The following DNAJC11 variants were observed in gnomAD, a reference collection of about 807,000 sequenced individuals.
DNAJC11 encodes the protein dnaJ homolog subfamily C member 11.
DNAJC11 carries 15 observed loss-of-function variants against 78.6 expected under a neutral mutation model. That is an observed-to-expected ratio of 0.19 (90% CI 0.13 to 0.29). DNAJC11 has a LOEUF of 0.29. DNAJC11 is among the 10% of genes least tolerant of loss of function. The pLI, the probability that DNAJC11 is intolerant of heterozygous loss-of-function variation, is 1.00. For missense variants in DNAJC11, 547 were observed against 709.6 expected (o/e 0.77, Z 2.60); for synonymous variants, 292 against 272.1 (o/e 1.07, Z -0.72).
chr1:6,676,324 T>C (rs1267319907), intron 3 of DNAJC11, among the ~76,000 whole-genome samples: 3 of 152,156 alleles, frequency 2.0e-5, no homozygotes, highest in Non-Finnish European at 2.9e-5. Flanking sequence ...GACTGAATTA[T>C]CATGCAGAAC....
chr1:6,681,893 T>C (rs1315960328), intron 1 of DNAJC11, among the ~76,000 whole-genome samples: 1 of 152,004 alleles, frequency 6.6e-6, no homozygotes, highest in Non-Finnish European at 1.5e-5. Context: ...CTATCAGGGG[T>C]GGTACTGGAT....
chr1:6,658,652 G>GAA (rs5772247), intron 4 of DNAJC11, among the ~76,000 whole-genome samples: 41 of 150,528 alleles, frequency 2.7e-4, no homozygotes, highest in South Asian at 8.4e-4. Context: ...AAAAAAAATT[G>GAA]AAAAAAAAAA....
At chr1:6,635,786 A>T in intron 15 of DNAJC11, 86 bp from the exon 16 acceptor site, 1 of 1,520,212 alleles carries the variant, frequency 6.6e-7, no homozygotes, top group Non-Finnish European at 9.1e-7. Context: ...AGTCACCCGG[A>T]CCAGCAGCTG....
Position 6,645,192 on chromosome 1 carries a change from T to C in DNAJC11, c.895-66A>G. 1 of 1,312,334 alleles carries C rather than the reference T, an allele frequency of 7.6e-7. No individual in the cohort carries two copies. Among genetic ancestry groups the C allele is most frequent in the Non-Finnish European group, 1.1e-6 (1 of 910,330 alleles). The allele number at this position is 1,312,334 out of a possible 1,614,324, so 81.3% of individuals were successfully genotyped here. On this transcript the variant is annotated intron_variant, in intron 8 of 15. Coordinates refer to ENST00000377577, the MANE Select transcript of DNAJC11 (RefSeq NM_018198.4). This position sits in a 1 kb window ranked among gnomAD's most constrained non-coding sequence, Gnocchi z 4.1. ...GTGACTCTGTGGGGAGATGGGTATC[T>C]GCCCTCCCACTAGCTCTGGGCATCT...
intron 10 of DNAJC11, among the ~76,000 whole-genome samples, chr1:6,642,371 A>G (rs879713252): frequency 1.1e-4 from 16 of 152,206 alleles, no homozygotes; most frequent in Non-Finnish European, 2.2e-4. Context: ...TAAGACAAAG[A>G]TGCTGGCCGC....
At chr1:6,647,388 G>T (rs1641981992) in intron 7 of DNAJC11, among the ~76,000 whole-genome samples, 1 of 152,020 alleles carries the variant, frequency 6.6e-6, no homozygotes, top group Non-Finnish European at 1.5e-5. Context: ...CAGCCAACAG[G>T]TCGATATTTT....
intron 4 of DNAJC11, among the ~76,000 whole-genome samples, chr1:6,664,401 G>A (rs1269765107): frequency 6.6e-5 from 10 of 152,024 alleles, no homozygotes; most frequent in South Asian, 6.2e-4. Flanking sequence ...CACCACACCC[G>A]GCTAATTTTT....
intron 11 of DNAJC11, among the ~76,000 whole-genome samples, chr1:6,638,999 G>C (rs978951365): frequency 1.3e-5 from 2 of 152,170 alleles, no homozygotes; most frequent in African/African-American, 4.8e-5. Context: ...GAGTCCAAAG[G>C]CCAGACGGGC....
intron 3 of DNAJC11, among the ~76,000 whole-genome samples, chr1:6,677,424 C>T (rs1051022219): frequency 9.9e-5 from 15 of 151,986 alleles, no homozygotes. Flanking sequence ...TCCTGAATAG[C>T]TGGGAATACA....
At chr1:6,641,951 G>T (rs923768258) in intron 10 of DNAJC11, among the ~76,000 whole-genome samples, 1 of 152,132 alleles carries the variant, frequency 6.6e-6, no homozygotes, top group African/African-American at 2.4e-5. Context: ...TGGTGGGGGG[G>T]ATCACCTGGG....
chr1:6,678,636 C>T (rs139586959), intron 2 of DNAJC11, among the ~76,000 whole-genome samples, 169 bp from the exon 3 acceptor site: 16 of 152,238 alleles, frequency 1.1e-4, no homozygotes, highest in African/African-American at 3.8e-4. Context: ...ACTGCTTTTT[C>T]GATTCAACCT....
At chr1:6,672,875 G>A (rs1642401804) in intron 3 of DNAJC11, among the ~76,000 whole-genome samples, 2 of 152,228 alleles carry the variant, frequency 1.3e-5, no homozygotes, top group South Asian at 4.2e-4. Flanking sequence ...ATCACATGCA[G>A]CTCATGAATC....
intron 1 of DNAJC11, among the ~76,000 whole-genome samples, chr1:6,691,188 G>A (rs1193140444): frequency 1.5e-4 from 19 of 125,174 alleles, no homozygotes; most frequent in Admixed American, 3.2e-4. Context: ...CCCAAAGACT[G>A]AAAAAAAAAA....
At chr1:6,657,560 A>G (rs1642144460) in intron 4 of DNAJC11, among the ~76,000 whole-genome samples, 1 of 152,236 alleles carries the variant, frequency 6.6e-6, no homozygotes, top group Admixed American at 6.5e-5. Flanking sequence ...AAATGGTTAT[A>G]CAGCAGCACA....
chr1:6,678,212 T>C (rs1557484041), intron 3 of DNAJC11, among the ~76,000 whole-genome samples, 182 bp downstream of exon 3: 1 of 152,134 alleles, frequency 6.6e-6, no homozygotes, highest in Non-Finnish European at 1.5e-5. Context: ...AAGTTCAGAG[T>C]TACAAAGTGG....
Position 6,634,277 on chromosome 1 carries a change from G to A in DNAJC11, c.*1398C>T, listed in dbSNP as rs11553408. 7 of 869,494 alleles carry A rather than the reference G, an allele frequency of 8.1e-6. No homozygotes were observed. The highest frequency in any genetic ancestry group is 7.1e-4 in the Middle Eastern group (2 of 2,804). The allele number at this position is 869,494 out of a possible 1,614,324, so 53.9% of individuals were successfully genotyped here. A position where few individuals can be genotyped will look rare whatever the true frequency, so the allele number is the denominator to read the frequency against. On this transcript the variant is annotated 3_prime_UTR_variant, in exon 16 of 16. Transcript: ENST00000377577. ...CACCTGCGGCAGAGGCGCACGGGAA[G>A]CCCGGGGCCCAGGCTCATGCAACAC...
Position 6,690,643 on chromosome 1 carries a change from G to A in DNAJC11, c.73-9606C>T, listed in dbSNP as rs182981105. On this transcript the variant is annotated intron_variant, in intron 1 of 15. Transcript: ENST00000377577. ...GTCCTTCACTTAAAACCCCTGAATT[G>A]CCTGGGCGTGGTGGCTCACGCCTGT... Among the ~76,000 whole-genome samples, 234 of 152,344 alleles carry A rather than the reference G, an allele frequency of 1.5e-3. 1 individual carries two copies. The highest frequency in any genetic ancestry group is 6.8e-3 in the Middle Eastern group (2 of 294).
chr1:6,676,305 A>G (rs1642461444), intron 3 of DNAJC11, among the ~76,000 whole-genome samples: 1 of 152,212 alleles, frequency 6.6e-6, no homozygotes, highest in African/African-American at 2.4e-5. Flanking sequence ...GTTTCAAGAA[A>G]AGACAGAAGA....
Position 6,701,776 on chromosome 1 carries a change from C to T in DNAJC11, c.25G>A (p.Glu9Lys). The T allele has an allele frequency of 2.6e-6, 4 of 1,566,814 alleles. No individual in the cohort carries two copies. The highest frequency in any genetic ancestry group is 3.5e-6 in the Non-Finnish European group (4 of 1,158,738). Reference sequence around the variant, plus strand: ...GAGTAATAGTCTTCATTGTCCAGCTCCTCCTCGCTCAAGGCCGTCGCCATC... The same window carrying T: ...GAGTAATAGTCTTCATTGTCCAGCTTCTCCTCGCTCAAGGCCGTCGCCATC... MATALSEEELDNEDYYSLL... is the reference protein window; with the variant it reads MATALSEEKLDNEDYYSLL... The change falls in exon 1 of 16, where the codon GAG (glutamate) becomes AAG (lysine). Residue 9 changes from glutamate to lysine, a missense_variant. By Grantham distance (56) the Glu-to-Lys change is moderately conservative. Transcript: ENST00000377577.
Sources: allele counts gnomAD v4.1 joint callset (sites outside exome capture counted in the v4.1 genomes callset), GRCh38; gene constraint gnomAD v4.1.1; non-coding constraint Gnocchi (gnomAD v3.1); transcripts MANE v1.5; gene names NCBI Gene and HGNC (gene_info 2026-07-23, HGNC 2026-07-21).